Variants in KIF21A observed in about 807,000 individuals in gnomAD.
The protein encoded by KIF21A is kinesin family member 21A, also known as kinesin-like protein KIF21A.
A neutral mutation model predicts 202.9 loss-of-function variants in KIF21A; 114 were observed. The observed-to-expected ratio is 0.56, with a 90% CI of 0.48 to 0.66. The LOEUF is 0.66. Among genes scored for constraint, KIF21A ranks in the 30% least tolerant of loss-of-function variants. The probability of loss-of-function intolerance (pLI) is 0.00; values close to 1 mark genes in which losing one functional copy is unlikely to be tolerated. For synonymous variants in KIF21A, 667 were observed against 670.8 expected, an observed-to-expected ratio of 0.99 and a Z score of 0.09; for missense variants, 1,677 against 1,994.9, an observed-to-expected ratio of 0.84 and a Z score of 3.04.
chr12:39,428,658 A>G (rs1457771306), intron 1 of KIF21A, among the ~76,000 whole-genome samples: 1 of 152,202 alleles, frequency 6.6e-6, no homozygotes, highest in Non-Finnish European at 1.5e-5. Context: ...CTGTCACTTC[A>G]GTCAATCTTT....
intron 10 of KIF21A, among the ~76,000 whole-genome samples, chr12:39,352,993 A>C (rs774520002): frequency 6.6e-6 from 1 of 151,900 alleles, no homozygotes; most frequent in Non-Finnish European, 1.5e-5. Context: ...TTTCAAGGTT[A>C]GTTTGGCACA....
intron 1 of KIF21A, among the ~76,000 whole-genome samples, chr12:39,395,724 C>T (rs1038622433): frequency 1.4e-4 from 21 of 151,920 alleles, no homozygotes; most frequent in African/African-American, 4.8e-4. Context: ...CGCCTGTAGT[C>T]CCAGCTACTT....
At position 39,330,829 on chromosome 12, in the gene KIF21A, T is replaced by G. The variant is rs780924477; in HGVS notation, c.3236A>C (p.Gln1079Pro). 1.2e-6 allele frequency: 2 copies of G among 1,613,878 alleles called. No individual in the cohort carries two copies. Among genetic ancestry groups the G allele is most frequent in the African/African-American group, 1.3e-5 (1 of 74,916 alleles). Residue 1079 changes from glutamine (Q) to proline (P), a missense_variant, in exon 23 of 38, where the codon CAA (glutamine) becomes CCA (proline). Physicochemically the swap from Gln to Pro is moderately conservative, Grantham distance 76. Coordinates refer to ENST00000361418, the MANE Select transcript of KIF21A (RefSeq NM_001173464.2). ...CAACATATGGAATAAGAGCTGGTTTTGGGTAGCACTGGTTATTTCTGTTTG... is the reference window on the plus strand; with the variant it reads ...CAACATATGGAATAAGAGCTGGTTTGGGGTAGCACTGGTTATTTCTGTTTG... ...LKQTEITSATQNQLLFHMLKE... is the reference protein window; with the variant it reads ...LKQTEITSATPNQLLFHMLKE...
chr12:39,347,721 G>A (rs1298151171), intron 11 of KIF21A, among the ~76,000 whole-genome samples: 1 of 152,026 alleles, frequency 6.6e-6, no homozygotes. Flanking sequence ...GTCCAGTATA[G>A]TGATTAGAAA....
At chr12:39,436,527 C>T (rs1207208733) in intron 1 of KIF21A, among the ~76,000 whole-genome samples, 1 of 144,056 alleles carries the variant, frequency 6.9e-6, no homozygotes, top group African/African-American at 2.6e-5. Context: ...TCACAGCACA[C>T]TGCAGCCTTG....
chr12:39,315,087 T>G (rs1378802850), intron 31 of KIF21A, 142 bp downstream of exon 31: 8 of 756,654 alleles, frequency 1.1e-5, no homozygotes, highest in African/African-American at 1.7e-5. Flanking sequence ...TAAACAAGTT[T>G]AAGGTTAAAT....
rs1592367278 is a variant in KIF21A at position 39,367,267 on chromosome 12, T to C, written c.601-103A>G. Reference sequence around the variant, plus strand: ...CTAAAACCCACCATGTTAAGGGATATAAAAGATGTGGAATTTCACATTATT... The same window carrying C: ...CTAAAACCCACCATGTTAAGGGATACAAAAGATGTGGAATTTCACATTATT... On this transcript the variant is annotated intron_variant, in intron 4 of 37. Coordinates refer to ENST00000361418, the MANE Select transcript of KIF21A (RefSeq NM_001173464.2). 7 of 1,224,376 alleles carry C rather than the reference T, an allele frequency of 5.7e-6. No homozygotes were observed. The East Asian group carries it at 1.2e-4, about 21-fold the overall frequency. 75.8% of individuals were successfully genotyped at this position (1,224,376 alleles called of 1,614,324 possible).
At chr12:39,342,623 A>G (rs1947538408) in intron 12 of KIF21A, among the ~76,000 whole-genome samples, 1 of 152,218 alleles carries the variant, frequency 6.6e-6, no homozygotes, top group African/African-American at 2.4e-5. Flanking sequence ...CACTAGCTAT[A>G]TCCATCAGTA....
chr12:39,334,713 C>T (rs1946813364), intron 17 of KIF21A, among the ~76,000 whole-genome samples: 1 of 151,914 alleles, frequency 6.6e-6, no homozygotes, highest in African/African-American at 2.4e-5. Flanking sequence ...TAACAAGGAA[C>T]AATTTTAAAA....
intron 27 of KIF21A, 52 bp downstream of exon 27, chr12:39,322,614 CTT>C (rs894284233): frequency 6.8e-6 from 8 of 1,177,340 alleles, no homozygotes; most frequent in Admixed American, 1.9e-5. Flanking sequence ...AACATGCATA[CTT>C]TTTTTTTTAA....
intron 1 of KIF21A, among the ~76,000 whole-genome samples, chr12:39,377,030 A>T (rs977275745): frequency 7.9e-5 from 12 of 152,250 alleles, no homozygotes; most frequent in African/African-American, 2.9e-4. Flanking sequence ...ATGTCTTTGT[A>T]AACTGTCTCT....
At chr12:39,334,200 C>CAAAAAAAAAAAAAAAA (rs576176350) in intron 17 of KIF21A, among the ~76,000 whole-genome samples, 9 of 63,718 alleles carry the variant, frequency 1.4e-4, no homozygotes, top group Non-Finnish European at 2.5e-4. Flanking sequence ...GACTCCATCT[C>CAAAAAAAAAAAAAAAA]AAAAAAAAAA....
chr12:39,338,951 C>T (rs1394193438), intron 16 of KIF21A, among the ~76,000 whole-genome samples: 3 of 152,108 alleles, frequency 2.0e-5, no homozygotes, highest in Non-Finnish European at 4.4e-5. Flanking sequence ...GGTAATAAAG[C>T]AAATCACAGT....
chr12:39,435,300 G>A (rs1425661042), intron 1 of KIF21A, among the ~76,000 whole-genome samples: 1 of 152,148 alleles, frequency 6.6e-6, no homozygotes, highest in Non-Finnish European at 1.5e-5. Context: ...TCCTTCAAAT[G>A]TTCTATTGTA....
Position 39,313,807 on chromosome 12 carries a change from G to A in KIF21A, c.3959+1422C>T, listed in dbSNP as rs140644628. 3.3e-5 allele frequency among the ~76,000 whole-genome samples: 5 copies of A among 151,962 alleles called. No individual in the cohort carries two copies. In the East Asian group the frequency reaches 9.7e-4, roughly 29 times the overall value. On this transcript the variant is annotated intron_variant, in intron 31 of 37. Transcript: ENST00000361418. Reference sequence around the variant, plus strand: ...CAGCGATAGACTTACTGCATTCTATGTAGGCCATATATGGAATGAGGTGTA... The same window carrying A: ...CAGCGATAGACTTACTGCATTCTATATAGGCCATATATGGAATGAGGTGTA...
At chr12:39,313,743 A>G (rs1944251369) in intron 31 of KIF21A, among the ~76,000 whole-genome samples, 1 of 151,922 alleles carries the variant, frequency 6.6e-6, no homozygotes, top group African/African-American at 2.4e-5. Context: ...CTCACTATCA[A>G]TGATTTGTTT....
At chr12:39,360,168 T>C (rs76612805) in intron 7 of KIF21A, among the ~76,000 whole-genome samples, 95 of 152,096 alleles carry the variant, frequency 6.2e-4, no homozygotes, top group Non-Finnish European at 1.3e-3. Flanking sequence ...ATTTCAAGAA[T>C]GATTCTATTT....
intron 31 of KIF21A, 78 bp downstream of exon 31, chr12:39,315,151 T>G: frequency 4.4e-6 from 6 of 1,359,986 alleles, no homozygotes; most frequent in Non-Finnish European, 6.3e-6. Flanking sequence ...AATAAACACT[T>G]ATTTTTGTTC....
At position 39,369,693 on chromosome 12, in the gene KIF21A, A is replaced by G. The variant is rs189986500; in HGVS notation, c.450+36T>C. 1.5e-4 allele frequency: 235 copies of G among 1,554,542 alleles called. No individual in the cohort carries two copies. In the African/African-American group the frequency reaches 2.7e-3, roughly 18 times the overall value. On this transcript the variant is annotated intron_variant, in intron 3 of 37. Transcript: ENST00000361418. ...CATAAACACAGTCTATAAGAACAAA[A>G]TTTAAAAGAAATTAATGCCAAAATT...
Sources: allele counts gnomAD v4.1 joint callset (sites outside exome capture counted in the v4.1 genomes callset), GRCh38; gene constraint gnomAD v4.1.1; transcripts MANE v1.5; gene names NCBI Gene and HGNC (gene_info 2026-07-23, HGNC 2026-07-21).